NTM: variants seen among roughly 807,000 people sequenced by gnomAD.
The protein encoded by NTM is neurotrimin.
In NTM, 13 loss-of-function variants were observed where a neutral mutation model predicts 42.1. The observed-to-expected ratio is 0.31, with a 90% confidence interval of 0.20 to 0.49. The LOEUF (loss-of-function observed/expected upper bound fraction) is 0.49, where lower values mean the gene tolerates loss of function less well. NTM is among the 20% of genes least tolerant of loss of function. The pLI is 0.99. For synonymous variants in NTM, 187 were observed against 179.2 expected, an observed-to-expected ratio of 1.04 and a Z score of -0.35; for missense variants, 373 against 452.8, an observed-to-expected ratio of 0.82 and a Z score of 1.60.
intron 4 of NTM, among the ~76,000 whole-genome samples, chr11:132,216,879 C>T (rs1323903470): frequency 6.6e-6 from 1 of 152,220 alleles, no homozygotes; most frequent in African/African-American, 2.4e-5. Context: ...GTCTCCAGGA[C>T]ATTTTCTCTG....
intron 4 of NTM, among the ~76,000 whole-genome samples, chr11:132,264,852 C>T (rs1037359116): frequency 6.6e-6 from 1 of 152,174 alleles, no homozygotes; most frequent in African/African-American, 2.4e-5. Context: ...ACCTCTGTTG[C>T]CCTCTCATGG....
intron 1 of NTM, among the ~76,000 whole-genome samples, chr11:131,477,314 C>T (rs529149497): frequency 3.3e-5 from 5 of 152,154 alleles, no homozygotes; most frequent in Middle Eastern, 3.4e-3. Flanking sequence ...CCAGATTCCA[C>T]AGCTATCAAG....
chr11:131,656,569 C>A (rs1222506306), intron 1 of NTM, among the ~76,000 whole-genome samples: 1 of 152,190 alleles, frequency 6.6e-6, no homozygotes, highest in African/African-American at 2.4e-5. Context: ...CTACCTGTAG[C>A]CTGTGTCACA....
chr11:132,081,947 T>TA (rs1228198464), intron 2 of NTM, among the ~76,000 whole-genome samples: 3 of 127,282 alleles, frequency 2.4e-5, no homozygotes, highest in African/African-American at 1.0e-4. Flanking sequence ...TATATATATA[T>TA]TTATATATAT....
In NTM at chr11:131,804,792, C is replaced by A. The variant is rs529494695; in HGVS notation, c.83-106772C>A. ...CTGTGCTGGTGTCAGGAAAGGGGACCTTTTGGGAAGTGATTAAGTCATGAA... is the reference window on the plus strand; with the variant it reads ...CTGTGCTGGTGTCAGGAAAGGGGACATTTTGGGAAGTGATTAAGTCATGAA... On this transcript the variant is annotated intron_variant, in intron 1 of 8. Coordinates refer to ENST00000683400, the MANE Select transcript of NTM (RefSeq NM_001352005.2). 2.0e-5 allele frequency among the ~76,000 whole-genome samples: 3 copies of A among 152,120 alleles called. 1 individual carries two copies. Among genetic ancestry groups the A allele is most frequent in the South Asian group, 4.1e-4 (2 of 4,822 alleles).
At chr11:131,818,384 G>T (rs1375075720) in intron 1 of NTM, among the ~76,000 whole-genome samples, 1 of 152,096 alleles carries the variant, frequency 6.6e-6, no homozygotes, top group Non-Finnish European at 1.5e-5. Context: ...ATCTCAACAG[G>T]TGCAAACTTA....
In NTM at chr11:131,442,591, G is replaced by A. The variant is rs79394431; in HGVS notation, c.82+71703G>A. On this transcript the variant is annotated intron_variant, in intron 1 of 8. Coordinates refer to ENST00000683400, the MANE Select transcript of NTM (RefSeq NM_001352005.2). ...CTTTCCCATCTTCCCCCCTTTTGGA[G>A]TCCCAAGTCTCTATTAGTTCTGTCT... is the stretch of plus-strand genomic sequence containing the variant. Among the ~76,000 whole-genome samples the A allele has an allele frequency of 3.6e-3, 544 of 152,116 alleles. 2 individuals are homozygous for A. The highest frequency in any genetic ancestry group is 0.013 in the African/African-American group (523 of 41,504).
chr11:131,593,163 AG>A (rs2059531314), intron 1 of NTM, among the ~76,000 whole-genome samples: 1 of 152,124 alleles, frequency 6.6e-6, no homozygotes. Flanking sequence ...AAATAGGCAA[AG>A]AGCAGTCCTG....
chr11:131,481,750 C>A (rs915877023), intron 1 of NTM, among the ~76,000 whole-genome samples: 1 of 152,260 alleles, frequency 6.6e-6, no homozygotes, highest in South Asian at 2.1e-4. Context: ...GCATTGTTAA[C>A]AGTACAATCT....
At chr11:132,144,986 G>C (rs1211804604) in intron 2 of NTM, among the ~76,000 whole-genome samples, 1 of 152,154 alleles carries the variant, frequency 6.6e-6, no homozygotes, top group African/African-American at 2.4e-5. Flanking sequence ...GGGGACAGGG[G>C]GTCTCCTGAA....
chr11:131,898,641 G>A lies in NTM; in HGVS notation c.83-12923G>A, dbSNP rs569283160. 5.9e-5 allele frequency among the ~76,000 whole-genome samples: 9 copies of A among 152,326 alleles called. No individual in the cohort carries two copies. In the South Asian group the frequency reaches 1.2e-3, roughly 21 times the overall value. ...TAACACGCCACCTACCCTAGGATAT[G>A]CTTGTTGAATAAATGTGAGAAGGGT... On this transcript the variant is annotated intron_variant, in intron 1 of 8. Transcript: ENST00000683400.
At chr11:132,161,577 C>T (rs2137625274) in intron 3 of NTM, among the ~76,000 whole-genome samples, 1 of 151,998 alleles carries the variant, frequency 6.6e-6, no homozygotes, top group East Asian at 1.9e-4. Context: ...ACTGTGCACC[C>T]GGGCTCATGC....
chr11:131,803,340 C>T (rs903403873), intron 1 of NTM, among the ~76,000 whole-genome samples: 3 of 151,206 alleles, frequency 2.0e-5, no homozygotes, highest in East Asian at 2.0e-4. Context: ...CTCACTCTGT[C>T]GCCAGGCTGG....
At chr11:131,372,773 C>A (rs1343375077) in intron 1 of NTM, among the ~76,000 whole-genome samples, 1 of 150,642 alleles carries the variant, frequency 6.6e-6, no homozygotes, top group African/African-American at 2.4e-5. Flanking sequence ...ACTGAATTTA[C>A]ATATAAATTA....
At chr11:132,270,501 T>C (rs2093424140) in intron 4 of NTM, among the ~76,000 whole-genome samples, 1 of 152,208 alleles carries the variant, frequency 6.6e-6, no homozygotes, top group African/African-American at 2.4e-5. Context: ...ATTGCTAAGA[T>C]TACAAGCATG....
chr11:131,457,856 C>T (rs182586270), intron 1 of NTM, among the ~76,000 whole-genome samples: 8,085 of 151,968 alleles, frequency 0.053, 319 homozygotes, highest in South Asian at 0.11. Flanking sequence ...AGGTGGCCCC[C>T]GAGAGCTCTC....
chr11:131,580,428 C>T (rs1375064947), intron 1 of NTM, among the ~76,000 whole-genome samples: 1 of 152,148 alleles, frequency 6.6e-6, no homozygotes, highest in African/African-American at 2.4e-5. Context: ...CCACACCTGC[C>T]CTCTGAGGGC....
At chr11:131,929,878 T>C (rs2134073489) in intron 2 of NTM, among the ~76,000 whole-genome samples, 1 of 152,362 alleles carries the variant, frequency 6.6e-6, no homozygotes, top group South Asian at 2.1e-4. Context: ...CTGCGATGGC[T>C]GAAATCCGTG....
At chr11:131,626,311 T>C (rs983206984) in intron 1 of NTM, among the ~76,000 whole-genome samples, 1 of 152,218 alleles carries the variant, frequency 6.6e-6, no homozygotes, top group Non-Finnish European at 1.5e-5. Flanking sequence ...TAATTACTAA[T>C]ACTACAAACG....
Sources: allele counts gnomAD v4.1 joint callset (sites outside exome capture counted in the v4.1 genomes callset), GRCh38; gene constraint gnomAD v4.1.1; transcripts MANE v1.5; gene names NCBI Gene and HGNC (gene_info 2026-07-23, HGNC 2026-07-21).